Variants in NUP205 observed in about 807,000 individuals in gnomAD.
The protein encoded by NUP205 is nucleoporin 205.
NUP205 carries 76 observed loss-of-function variants against 253.8 expected under a neutral mutation model. That is an observed-to-expected ratio of 0.30 (90% confidence interval 0.25 to 0.36). The LOEUF (loss-of-function observed/expected upper bound fraction) is 0.36. Ranked by LOEUF, NUP205 falls within the 10% of genes least tolerant of loss-of-function variation. NUP205 has a pLI of 1.00. For missense variants in NUP205, 2,162 were observed against 2,425.5 expected, an observed-to-expected ratio of 0.89 and a Z score of 2.28; for synonymous variants, 832 against 850.1, an observed-to-expected ratio of 0.98 and a Z score of 0.37.
chr7:135,590,156 A>G (rs1389446380), intron 10 of NUP205, among the ~76,000 whole-genome samples: 1 of 150,976 alleles, frequency 6.6e-6, no homozygotes, highest in Non-Finnish European at 1.5e-5. Flanking sequence ...TTGTCACCCA[A>G]GTTGGAGTGC....
intron 17 of NUP205, among the ~76,000 whole-genome samples, chr7:135,601,712 C>T (rs1473148048): frequency 6.6e-6 from 1 of 152,178 alleles, no homozygotes; most frequent in Non-Finnish European, 1.5e-5. Flanking sequence ...ATCTCACTGT[C>T]ACTGTGTTTC....
intron 26 of NUP205, 125 bp downstream of exon 26, chr7:135,617,372 G>C: frequency 1.0e-6 from 1 of 981,888 alleles, no homozygotes. Flanking sequence ...TTTATAGGAA[G>C]GACTGTGATT....
chr7:135,577,111 G>A lies in NUP205; in HGVS notation c.631G>A (p.Glu211Lys). ...KLQRERGLGS[E>K]KHRKEVSDLI... ...ACAGCGAGAGAGAGGTTTGGGCAGT[G>A]AAAAACATCGCAAAGAGGCAAGGGT... The change falls in exon 5 of 43, where the codon GAA becomes AAA. Residue 211 changes from glutamate to lysine, a missense_variant. This residue lies in a region of NUP205 where 892 missense variants were observed against 957.1 expected (regional missense o/e 0.93). Transcript: ENST00000285968. 6.2e-7 allele frequency: 1 copy of A among 1,610,602 alleles called. No homozygotes were observed. Among genetic ancestry groups the A allele is most frequent in the Non-Finnish European group, 8.5e-7 (1 of 1,179,120 alleles).
intron 38 of NUP205, among the ~76,000 whole-genome samples, chr7:135,642,259 A>G (rs7801242): frequency 0.011 from 1,715 of 152,170 alleles, 33 homozygotes; most frequent in African/African-American, 0.039. Context: ...CATCTCAAAA[A>G]AAAAAAAAAA....
intron 7 of NUP205, among the ~76,000 whole-genome samples, chr7:135,581,636 G>A (rs1806306594): frequency 6.6e-6 from 1 of 152,090 alleles, no homozygotes; most frequent in Non-Finnish European, 1.5e-5. Context: ...TGGATCGCTT[G>A]AGGTCAGGAG....
chr7:135,616,274 C>T (rs1194353743), intron 24 of NUP205, among the ~76,000 whole-genome samples: 4 of 151,990 alleles, frequency 2.6e-5, no homozygotes, highest in Admixed American at 1.3e-4. Context: ...ATAATCATAC[C>T]GGTATTATAT....
rs749661242 is a variant in NUP205 at position 135,577,912 on chromosome 7, A to G, written c.765A>G (p.Arg255=). Residue 255 remains arginine, a synonymous_variant, in exon 6 of 43, where the codon AGA becomes AGG. Transcript: ENST00000285968. ...TCCTCCTCATTGGACATTTGGAAAG[A>G]GTGACAGTTGAGGCTAATGGCTCAC... The part of the protein sequence containing the change: ...DTLLLIGHLE[R]VTVEANGSLD... 3 of 1,613,998 alleles carry G rather than the reference A, an allele frequency of 1.9e-6. No individual in the cohort carries two copies. The highest frequency in any genetic ancestry group is 2.7e-5 in the African/African-American group (2 of 74,928).
At chr7:135,602,140 A>G (rs1237339633) in intron 17 of NUP205, among the ~76,000 whole-genome samples, 1 of 152,208 alleles carries the variant, frequency 6.6e-6, no homozygotes, top group Non-Finnish European at 1.5e-5. Flanking sequence ...CCTCTACTTA[A>G]TGTGGCTGTG....
At chr7:135,619,942 AT>A (rs1386687261) in intron 30 of NUP205, 54 bp downstream of exon 30, 1 of 1,163,718 alleles carries the variant, frequency 8.6e-7, no homozygotes, top group Non-Finnish European at 1.3e-6. Context: ...GTTACTTTAA[AT>A]TGAAAAAAAA....
At chr7:135,570,694 ATAAT>A (rs1178610255) in intron 1 of NUP205, among the ~76,000 whole-genome samples, 1 of 78,724 alleles carries the variant, frequency 1.3e-5, no homozygotes, top group Non-Finnish European at 2.4e-5. Context: ...TTATATTAAT[ATAAT>A]TAATTATATT....
intron 14 of NUP205, 51 bp downstream of exon 14, chr7:135,597,469 TAAG>T (rs760382663): frequency 9.3e-6 from 10 of 1,076,098 alleles, no homozygotes; most frequent in South Asian, 5.0e-5. Context: ...CATGTAATGA[TAAG>T]AAGTCTATGA....
At chr7:135,623,775 C>CTTTG (rs569422146) in intron 31 of NUP205, among the ~76,000 whole-genome samples, 349 of 152,060 alleles carry the variant, frequency 2.3e-3, no homozygotes, top group African/African-American at 7.5e-3. Flanking sequence ...AGTTACGTTT[C>CTTTG]TTTGTTTGTT....
chr7:135,635,737 A>G, intron 36 of NUP205, 80 bp downstream of exon 36: 3 of 782,322 alleles, frequency 3.8e-6, no homozygotes, highest in Non-Finnish European at 6.2e-6. Flanking sequence ...TGCCCCCTAG[A>G]TTTGGGAAAC....
intron 27 of NUP205, among the ~76,000 whole-genome samples, chr7:135,617,952 GAGAGA>G (rs1040555506): frequency 6.6e-6 from 1 of 151,664 alleles, no homozygotes; most frequent in African/African-American, 2.4e-5. Flanking sequence ...CCCCATCAGT[GAGAGA>G]GGAGGGTCAT....
chr7:135,617,372 G>T, intron 26 of NUP205, 125 bp downstream of exon 26: 1 of 981,888 alleles, frequency 1.0e-6, no homozygotes, highest in Non-Finnish European at 1.5e-6. Flanking sequence ...TTTATAGGAA[G>T]GACTGTGATT....
chr7:135,616,591 C>A, intron 24 of NUP205, 64 bp from the exon 25 acceptor site: 5 of 978,214 alleles, frequency 5.1e-6, no homozygotes, highest in Admixed American at 2.7e-5. Context: ...TTGTTATTTC[C>A]AAATAAATAG....
Position 135,625,283 on chromosome 7 carries a change from C to T in NUP205, c.4599C>T (p.Asp1533=), listed in dbSNP as rs1284317622. Reference sequence around the variant, plus strand: ...TCGTAGACAGCTTGGTAGAAGATGACCGTACTTTGCAGAGCTTACTCACCC... The same window carrying T: ...TCGTAGACAGCTTGGTAGAAGATGATCGTACTTTGCAGAGCTTACTCACCC... The part of the protein sequence containing the change: ...KVLVDSLVED[D]RTLQSLLTPQ... Residue 1533 remains aspartate (D), a synonymous_variant, in exon 32 of 43, where the codon GAC becomes GAT. Coordinates refer to ENST00000285968, the MANE Select transcript of NUP205 (RefSeq NM_015135.3). The T allele has an allele frequency of 1.9e-6, 3 of 1,613,982 alleles. No individual in the cohort carries two copies. The highest frequency in any genetic ancestry group is 2.7e-5 in the African/African-American group (2 of 74,906).
At chr7:135,563,105 C>A (rs1805635292) in intron 1 of NUP205, among the ~76,000 whole-genome samples, 3 of 152,138 alleles carry the variant, frequency 2.0e-5, no homozygotes, top group African/African-American at 7.2e-5. Context: ...GTCAGAGTCC[C>A]CTATTATGTG....
chr7:135,628,283 A>G (rs954187039), intron 34 of NUP205, among the ~76,000 whole-genome samples, 172 bp downstream of exon 34: 4 of 152,072 alleles, frequency 2.6e-5, no homozygotes, highest in Admixed American at 2.6e-4. Context: ...ACATTGGTCC[A>G]TTTTTATACT....
Sources: allele counts gnomAD v4.1 joint callset (sites outside exome capture counted in the v4.1 genomes callset), GRCh38; gene constraint gnomAD v4.1.1; regional missense constraint gnomAD v4.1.1; transcripts MANE v1.5; gene names NCBI Gene and HGNC (gene_info 2026-07-23, HGNC 2026-07-21).